ZNF782: variants seen among roughly 807,000 people sequenced by gnomAD.
ZNF782 encodes zinc finger protein 782.
Under a neutral mutation model 13.0 loss-of-function variants are expected in ZNF782, and 12 were observed. The observed-to-expected ratio is 0.92, with a 90% CI of 0.59 to 1.50. The LOEUF is 1.50. ZNF782 is among the 40% of genes most tolerant of loss of function. ZNF782 has a pLI of 0.00. For synonymous variants in ZNF782, 284 were observed against 283.0 expected, an observed-to-expected ratio of 1.00 and a Z score of -0.04; for missense variants, 770 against 822.9, an observed-to-expected ratio of 0.94 and a Z score of 0.79.
intron 4 of ZNF782, among the ~76,000 whole-genome samples, chr9:96,829,661 T>C (rs1465002382): frequency 6.6e-6 from 1 of 152,164 alleles, no homozygotes; most frequent in Non-Finnish European, 1.5e-5. Context: ...AACACATTAT[T>C]TTCAAATACA....
chr9:96,825,492 A>T (rs865960178), intron 5 of ZNF782, among the ~76,000 whole-genome samples: 1 of 152,164 alleles, frequency 6.6e-6, no homozygotes, highest in African/African-American at 2.4e-5. Flanking sequence ...GGACATAGGC[A>T]TGGGCAAGGA....
At position 96,819,533 on chromosome 9, in the gene ZNF782, C is replaced by A. The variant is rs1453103690; in HGVS notation, c.490G>T (p.Glu164Ter). Residue 164 changes from glutamate to a stop codon, truncating the protein, a stop_gained, in exon 6 of 6, where the codon GAG becomes TAG. Transcript: ENST00000481138. LOFTEE classifies it low-confidence loss of function (END_TRUNC). ...AGCCATTTGTCACAAACATTACGCT[C>A]ATGAGCCTTTTCTTTTGAATACTGA... ...HCQYSKEKAH[E>*]RNVCDKWLIS... 6.2e-7 allele frequency: 1 copy of A among 1,612,664 alleles called. No homozygotes were observed. Among genetic ancestry groups the A allele is most frequent in the African/African-American group, 1.3e-5 (1 of 74,892 alleles).
chr9:96,914,452 A>G, the ZNF782 span, among the ~76,000 whole-genome samples: 13 of 152,012 alleles, frequency 8.6e-5, no homozygotes, highest in African/African-American at 2.9e-4. Context: ...ATCCGCACAT[A>G]ATTTATGCTC....
At chr9:96,879,175 T>C (rs12337234), upstream of ZNF782, among the ~76,000 whole-genome samples, 1,527 of 152,316 alleles carry the variant, frequency 0.01, 28 homozygotes, top group African/African-American at 0.035. Context: ...CACTTTGGCA[T>C]AGTCAATTGT....
At chr9:96,876,790 G>A (rs1190919889), upstream of ZNF782, among the ~76,000 whole-genome samples, 1 of 151,922 alleles carries the variant, frequency 6.6e-6, no homozygotes, top group Admixed American at 6.6e-5. Context: ...CGGATTGCCT[G>A]AGTTCAGAAG....
the ZNF782 span, chr9:96,892,749 A>G: frequency 6.6e-6 from 1 of 152,176 alleles, no homozygotes; most frequent in Non-Finnish European, 1.5e-5. Flanking sequence ...AAAGCCCAAG[A>G]AGAAATAACT....
chr9:96,908,149 C>T, the ZNF782 span, among the ~76,000 whole-genome samples: 2 of 151,704 alleles, frequency 1.3e-5, no homozygotes, highest in African/African-American at 4.9e-5. Flanking sequence ...GCCTAACTAC[C>T]ATTGAGTAAG....
intron 4 of ZNF782, among the ~76,000 whole-genome samples, chr9:96,836,324 T>G (rs1851000773): frequency 6.6e-6 from 1 of 151,854 alleles, no homozygotes; most frequent in African/African-American, 2.4e-5. Flanking sequence ...GCGCTTCTCC[T>G]GCCTCAGCCT....
At chr9:96,845,104 T>C in intron 3 of ZNF782, 88 bp from the exon 4 acceptor site, 1 of 1,530,398 alleles carries the variant, frequency 6.5e-7, no homozygotes, top group Non-Finnish European at 8.9e-7. Flanking sequence ...TGTTTACTGT[T>C]GAGAATTTAA....
At chr9:96,903,556 GT>G in the ZNF782 span, among the ~76,000 whole-genome samples, 8 of 75,468 alleles carry the variant, frequency 1.1e-4, 1 homozygote, top group African/African-American at 2.9e-4. Context: ...TTTTATGTTG[GT>G]TTTTTTTTTT....
chr9:96,822,233 A>T (rs1850445576), intron 5 of ZNF782, among the ~76,000 whole-genome samples: 3 of 152,146 alleles, frequency 2.0e-5, no homozygotes. Flanking sequence ...ATGAATCAAT[A>T]TGAAACACCT....
chr9:96,866,891 C>T (rs1851760858), intron 1 of ZNF782, among the ~76,000 whole-genome samples: 1 of 152,192 alleles, frequency 6.6e-6, no homozygotes, highest in Non-Finnish European at 1.5e-5. Flanking sequence ...GGGCCTGTAG[C>T]CCCTTTGTTT....
the ZNF782 span, among the ~76,000 whole-genome samples, chr9:96,930,532 A>G: frequency 2.2e-3 from 320 of 147,814 alleles, 3 homozygotes; most frequent in African/African-American, 7.1e-3. Context: ...TCAAAAAAAA[A>G]AAAAAAGAAA....
intron 5 of ZNF782, among the ~76,000 whole-genome samples, chr9:96,822,260 A>C (rs1358914355): frequency 6.6e-6 from 1 of 152,230 alleles, no homozygotes; most frequent in Admixed American, 6.5e-5. Context: ...AGTGGCTTTG[A>C]AGTTAATACA....
intron 4 of ZNF782, among the ~76,000 whole-genome samples, chr9:96,830,482 CT>C (rs1850762811): frequency 6.6e-6 from 1 of 152,300 alleles, no homozygotes; most frequent in Admixed American, 6.5e-5. Context: ...TGAACCACCA[CT>C]ACCATTCAGC....
the ZNF782 span, chr9:96,892,482 C>A: frequency 6.6e-6 from 1 of 152,212 alleles, no homozygotes. Context: ...ACCCTGGAGT[C>A]CAGCTGGGCA....
chr9:96,855,898 C>G (rs1851635611), upstream of ZNF782, among the ~76,000 whole-genome samples: 1 of 152,226 alleles, frequency 6.6e-6, no homozygotes, highest in African/African-American at 2.4e-5. Context: ...TCCCTGTTCA[C>G]TGCAGCCATG....
chr9:96,841,369 C>T (rs1160831707), intron 4 of ZNF782, among the ~76,000 whole-genome samples: 1 of 151,890 alleles, frequency 6.6e-6, no homozygotes, highest in Non-Finnish European at 1.5e-5. Context: ...TTGGAAGGAA[C>T]ACTTTCCAAC....
At chr9:96,880,246 A>AC (rs1368591785), upstream of ZNF782, among the ~76,000 whole-genome samples, 1 of 146,152 alleles carries the variant, frequency 6.8e-6, no homozygotes, top group Non-Finnish European at 1.5e-5. Flanking sequence ...GGATAGATTT[A>AC]TTTTTTCTTT....
Sources: allele counts gnomAD v4.1 joint callset (sites outside exome capture counted in the v4.1 genomes callset), GRCh38; gene constraint gnomAD v4.1.1; transcripts MANE v1.5; gene names NCBI Gene and HGNC (gene_info 2026-07-23, HGNC 2026-07-21).